Variants in ZXDC observed in about 807,000 individuals in gnomAD.
ZXDC encodes the protein ZXD family zinc finger C.
In ZXDC, 58 loss-of-function variants were observed where a neutral mutation model predicts 63.6. That is an observed-to-expected ratio of 0.91 (90% CI 0.74 to 1.13). The LOEUF is 1.13. Ranked by LOEUF, ZXDC falls within the 50% of genes most tolerant of loss-of-function variation. ZXDC has a pLI of 0.00. For synonymous variants in ZXDC, 561 were observed against 496.1 expected, an observed-to-expected ratio of 1.13 and a Z score of -1.74; for missense variants, 1,133 against 1,148.9, an observed-to-expected ratio of 0.99 and a Z score of 0.20.
Position 126,463,544 on chromosome 3 carries a change from A to G in ZXDC, c.1442-1324T>C, listed in dbSNP as rs140104942. On this transcript the variant is annotated intron_variant, in intron 5 of 9. Coordinates refer to ENST00000389709, the MANE Select transcript of ZXDC (RefSeq NM_025112.5). The stretch of plus-strand genomic sequence containing the variant: ...GCATAGGCAAGTTTAGGGTTTGTAT[A>G]CAAGTACATGCCAATTACACCAAAT... 2.6e-5 allele frequency among the ~76,000 whole-genome samples: 4 copies of G among 152,378 alleles called. No homozygotes were observed. The East Asian group carries it at 7.7e-4, about 29-fold the overall frequency.
rs766135091 is a variant in ZXDC at position 126,472,068 on chromosome 3, T to C, written c.1061-17A>G. 1.9e-6 allele frequency: 3 copies of C among 1,609,822 alleles called. No homozygotes were observed. Among genetic ancestry groups the C allele is most frequent in the Non-Finnish European group, 2.5e-6 (3 of 1,178,782 alleles). On this transcript the variant is annotated splice_polypyrimidine_tract_variant and intron_variant, in intron 2 of 9. Transcript: ENST00000389709. ...GTCTTTCACCTTATAAAAGAAAAAA[T>C]TATACAGCATAAAATTTACAACTCC...
rs1217492158 is a variant in ZXDC, at chr3:126,461,532, T to A, written c.2127+3A>T. 6.2e-7 allele frequency: 1 copy of A among 1,605,302 alleles called. No homozygotes were observed. The highest frequency in any genetic ancestry group is 1.7e-5 in the Admixed American group (1 of 59,458). On this transcript the variant is annotated splice_donor_region_variant and intron_variant, in intron 6 of 9. Coordinates refer to ENST00000389709, the MANE Select transcript of ZXDC (RefSeq NM_025112.5). The stretch of plus-strand genomic sequence containing the variant: ...GGTGGTGACTGAATAGAGTGCTTCA[T>A]ACCAAATAGAAGTTGCCAGTGCCTG...
At chr3:126,441,330 G>A (rs1190122003) in intron 8 of ZXDC, 7 of 1,003,584 alleles carry the variant, frequency 7.0e-6, no homozygotes, top group East Asian at 2.0e-4. Context: ...CTGCTAGTGC[G>A]CCACAAGCAG....
chr3:126,453,136 T>C (rs1157479312), intron 7 of ZXDC: 3 of 985,336 alleles, frequency 3.0e-6, no homozygotes, highest in Non-Finnish European at 3.6e-6. Context: ...GAACTATTCA[T>C]ATTCTTATTT....
chr3:126,472,105 T>C (rs1270576712), intron 2 of ZXDC, 48 bp downstream of exon 2: 3 of 1,609,226 alleles, frequency 1.9e-6, no homozygotes, highest in Non-Finnish European at 2.5e-6. Context: ...ACAGCTACGA[T>C]GAAGACAAAT....
At chr3:126,440,453 C>T in intron 8 of ZXDC, 1 of 985,486 alleles carries the variant, frequency 1.0e-6, no homozygotes, top group Non-Finnish European at 1.2e-6. Flanking sequence ...TGGTAAGGGA[C>T]AGAAAAAGAA....
intron 7 of ZXDC, among the ~76,000 whole-genome samples, chr3:126,455,779 C>T (rs1351270436): frequency 1.3e-5 from 2 of 151,960 alleles, no homozygotes; most frequent in South Asian, 2.1e-4. Context: ...GGGCGGATCA[C>T]AAGGTCAGGA....
intron 7 of ZXDC, among the ~76,000 whole-genome samples, chr3:126,446,526 C>G (rs1933889724): frequency 6.6e-6 from 1 of 152,214 alleles, no homozygotes; most frequent in African/African-American, 2.4e-5. Context: ...CAGAGCCAGC[C>G]AGGTGCCCCG....
chr3:126,453,154 ATTAC>A (rs1245999276), intron 7 of ZXDC: 5 of 985,294 alleles, frequency 5.1e-6, no homozygotes, highest in East Asian at 1.1e-4. Flanking sequence ...TTTCTGAATG[ATTAC>A]TTGTTTTCCT....
At chr3:126,451,677 G>A in intron 7 of ZXDC, 5 of 985,402 alleles carry the variant, frequency 5.1e-6, no homozygotes, top group Non-Finnish European at 4.8e-6. Context: ...ATGTCCTTGT[G>A]AGCACCAACC....
At chr3:126,467,295 C>T (rs936334732) in intron 4 of ZXDC, among the ~76,000 whole-genome samples, 1 of 147,226 alleles carries the variant, frequency 6.8e-6, no homozygotes, top group Admixed American at 6.9e-5. Flanking sequence ...AGTTCAGCCT[C>T]TTACCAGCAG....
chr3:126,463,946 T>A (rs180895434), intron 5 of ZXDC, among the ~76,000 whole-genome samples: 21 of 152,368 alleles, frequency 1.4e-4, no homozygotes, highest in Admixed American at 1.4e-3. Context: ...CAATATAGTA[T>A]CACTTCTTCA....
chr3:126,460,567 G>T (rs1934486537), intron 6 of ZXDC: 18 of 985,282 alleles, frequency 1.8e-5, no homozygotes, highest in South Asian at 4.7e-5. Flanking sequence ...TGGCACCAGG[G>T]ACTGACTGAG....
intron 7 of ZXDC, chr3:126,450,461 G>GCATCCTCAAAGATGCCCT (rs1934057255): frequency 2.2e-6 from 1 of 456,596 alleles, no homozygotes; most frequent in Non-Finnish European, 4.4e-6. Context: ...CAAAGCCCCT[G>GCATCCTCAAAGATGCCCT]CATCCTCAAA....
At chr3:126,448,938 G>A (rs1933984788) in intron 7 of ZXDC, among the ~76,000 whole-genome samples, 3 of 152,340 alleles carry the variant, frequency 2.0e-5, no homozygotes, top group Admixed American at 6.5e-5. Context: ...GCATCCACAC[G>A]GCAGGAGGTG....
chr3:126,468,524 G>A (rs1017238665), intron 4 of ZXDC, among the ~76,000 whole-genome samples: 8 of 152,064 alleles, frequency 5.3e-5, no homozygotes, highest in African/African-American at 1.9e-4. Context: ...CACGTGGGGA[G>A]TGCCCAGTTT....
chr3:126,464,368 G>A (rs1934668458), intron 5 of ZXDC, among the ~76,000 whole-genome samples: 1 of 152,160 alleles, frequency 6.6e-6, no homozygotes, highest in Non-Finnish European at 1.5e-5. Flanking sequence ...ACAAAGCAGT[G>A]AGGAACCCAC....
chr3:126,439,784 C>T (rs992611973), intron 8 of ZXDC, 57 bp from the exon 9 acceptor site: 132 of 1,509,896 alleles, frequency 8.7e-5, no homozygotes, highest in Non-Finnish European at 1.0e-4. Flanking sequence ...AGCAAAGGTC[C>T]TCGTCTCACC....
At chr3:126,452,214 C>G (rs955788478) in intron 7 of ZXDC, 1 of 985,314 alleles carries the variant, frequency 1.0e-6, no homozygotes, top group Admixed American at 6.1e-5. Context: ...TGCGTGAAGT[C>G]TTAGCTACAG....
Sources: allele counts gnomAD v4.1 joint callset (sites outside exome capture counted in the v4.1 genomes callset), GRCh38; gene constraint gnomAD v4.1.1; transcripts MANE v1.5; gene names NCBI Gene and HGNC (gene_info 2026-07-23, HGNC 2026-07-21).